Variants in GPR139 observed in about 807,000 individuals in gnomAD.
GPR139 encodes G protein-coupled receptor 139.
A neutral mutation model predicts 25.8 loss-of-function variants in GPR139; 12 were observed. The observed-to-expected ratio is 0.47, with a 90% CI of 0.30 to 0.75. GPR139 has a LOEUF of 0.75. GPR139 is among the 30% of genes least tolerant of loss of function. GPR139 has a pLI of 0.07. For synonymous variants in GPR139, 184 were observed against 179.9 expected, an observed-to-expected ratio of 1.02 and a Z score of -0.18; for missense variants, 380 against 450.2, an observed-to-expected ratio of 0.84 and a Z score of 1.41.
At chr16:20,033,740 C>T (rs2057299953) in intron 1 of GPR139, among the ~76,000 whole-genome samples, 1 of 152,108 alleles carries the variant, frequency 6.6e-6, no homozygotes, top group African/African-American at 2.4e-5. Flanking sequence ...CATTTTCCTT[C>T]TACTCTTATT....
rs186996861 is a variant in GPR139, at chr16:20,028,776, T to A, written c.*2959A>T. 1.2e-3 allele frequency among the ~76,000 whole-genome samples: 188 copies of A among 152,288 alleles called. No individual in the cohort carries two copies. The highest frequency in any genetic ancestry group is 4.3e-3 in the African/African-American group (180 of 41,562). On this transcript the variant is annotated 3_prime_UTR_variant, in exon 2 of 2. Coordinates refer to ENST00000570682, the MANE Select transcript of GPR139 (RefSeq NM_001002911.4). ...GGTGGTGCGTATCATCATTGCAATGTCCAACCAAGGACACAAATCATATAG... is the reference window on the plus strand; with the variant it reads ...GGTGGTGCGTATCATCATTGCAATGACCAACCAAGGACACAAATCATATAG...
Position 20,031,808 on chromosome 16 carries a change from G to A in GPR139, c.989C>T (p.Ala330Val), listed in dbSNP as rs2057289830. 1 of 1,614,108 alleles carries A rather than the reference G, an allele frequency of 6.2e-7. No individual in the cohort carries two copies. Among genetic ancestry groups the A allele is most frequent in the Admixed American group, 1.7e-5 (1 of 60,006 alleles). ...CAGCATCTTGATGCAGTGTGAGTTT[G>A]CCGGCGAGATCCAGGGGCTACTTGT... Reference protein sequence around the residue: ...SITSSPWISPANSHCIKMLVY... With the variant: ...SITSSPWISPVNSHCIKMLVY... Residue 330 changes from alanine to valine, a missense_variant, in exon 2 of 2, where the codon GCA (alanine) becomes GTA (valine). Coordinates refer to ENST00000570682, the MANE Select transcript of GPR139 (RefSeq NM_001002911.4).
At chr16:20,041,237 A>G (rs1333633623) in intron 1 of GPR139, among the ~76,000 whole-genome samples, 2 of 5,542 alleles carry the variant, frequency 3.6e-4, no homozygotes, top group African/African-American at 6.8e-4. Context: ...AGAGGAGAGG[A>G]GAGGAGAGGA....
In GPR139 at chr16:20,031,453, G is replaced by T. The variant is rs1191866724; in HGVS notation, c.*282C>A. On this transcript the variant is annotated 3_prime_UTR_variant, in exon 2 of 2. Coordinates refer to ENST00000570682, the MANE Select transcript of GPR139 (RefSeq NM_001002911.4). ...TACTTCTCTACTTTGTGTCCTAACT[G>T]GTCACAGGATGATGACACAAGCTCC... 6 of 441,322 alleles carry T rather than the reference G, an allele frequency of 1.4e-5. No individual in the cohort carries two copies. Among genetic ancestry groups the T allele is most frequent in the Non-Finnish European group, 2.5e-5 (6 of 242,784 alleles). 27.3% of individuals were successfully genotyped at this position (441,322 alleles called of 1,614,324 possible). A position where few individuals can be genotyped will look rare whatever the true frequency, so the allele number is the denominator to read the frequency against.
intron 1 of GPR139, among the ~76,000 whole-genome samples, chr16:20,061,140 C>G (rs1444802771): frequency 6.6e-6 from 1 of 151,948 alleles, no homozygotes; most frequent in African/African-American, 2.4e-5. Flanking sequence ...CACCACGTAC[C>G]TAGCATGGTG....
intron 1 of GPR139, among the ~76,000 whole-genome samples, chr16:20,057,723 C>T (rs1267636707): frequency 2.6e-5 from 4 of 152,142 alleles, no homozygotes; most frequent in Non-Finnish European, 4.4e-5. Flanking sequence ...TCCATGCCTA[C>T]TGTCAAGAGT....
At position 20,028,938 on chromosome 16, in the gene GPR139, T is replaced by C. The variant is rs1028237616; in HGVS notation, c.*2797A>G. 1.3e-5 allele frequency among the ~76,000 whole-genome samples: 2 copies of C among 152,118 alleles called. No homozygotes were observed. The highest frequency in any genetic ancestry group is 4.8e-5 in the African/African-American group (2 of 41,422). On this transcript the variant is annotated 3_prime_UTR_variant, in exon 2 of 2. Transcript: ENST00000570682. ...CAAGGCTTTATTGTCAAAACTGGCC[T>C]GAAAGAAAAGGCTTACAAGTTTTTA...
At chr16:20,056,257 T>C (rs1487045515) in intron 1 of GPR139, among the ~76,000 whole-genome samples, 1 of 152,250 alleles carries the variant, frequency 6.6e-6, no homozygotes, top group Non-Finnish European at 1.5e-5. Context: ...GCTTTCTTTT[T>C]GCACGTCATA....
chr16:20,034,232 C>G (rs1257759183), intron 1 of GPR139, among the ~76,000 whole-genome samples: 1 of 152,198 alleles, frequency 6.6e-6, no homozygotes, highest in Non-Finnish European at 1.5e-5. Flanking sequence ...CTCAGTCTCT[C>G]TCTGTCTCTC....
chr16:20,041,167 G>A (rs184499550), intron 1 of GPR139, among the ~76,000 whole-genome samples: 62 of 298 alleles, frequency 0.21, 2 homozygotes, highest in South Asian at 0.3. Flanking sequence ...GGAGGGGAGG[G>A]GAGGGGAGGG....
intron 1 of GPR139, among the ~76,000 whole-genome samples, chr16:20,061,568 A>C (rs2057414684): frequency 6.6e-6 from 1 of 152,240 alleles, no homozygotes; most frequent in Non-Finnish European, 1.5e-5. Flanking sequence ...AAATGAAAGC[A>C]CACATTTGAG....
At chr16:20,050,370 A>G (rs2057367822) in intron 1 of GPR139, among the ~76,000 whole-genome samples, 1 of 152,142 alleles carries the variant, frequency 6.6e-6, no homozygotes, top group East Asian at 1.9e-4. Context: ...TCACAGACCG[A>G]CTGCTTGTGG....
intron 1 of GPR139, among the ~76,000 whole-genome samples, chr16:20,069,666 C>T (rs931854649): frequency 2.6e-5 from 4 of 152,158 alleles, no homozygotes; most frequent in Non-Finnish European, 5.9e-5. Context: ...CTTTCCTCAC[C>T]TTGTCTTTCT....
At chr16:20,069,735 T>C (rs894637400) in intron 1 of GPR139, among the ~76,000 whole-genome samples, 3 of 152,168 alleles carry the variant, frequency 2.0e-5, no homozygotes, top group African/African-American at 4.8e-5. Context: ...AATCTCAGTT[T>C]AATTTCACAC....
At chr16:20,053,529 C>T (rs909936733) in intron 1 of GPR139, among the ~76,000 whole-genome samples, 9 of 152,254 alleles carry the variant, frequency 5.9e-5, no homozygotes, top group African/African-American at 1.7e-4. Flanking sequence ...GCTTGGCTGG[C>T]GTGTGGACTG....
intron 1 of GPR139, among the ~76,000 whole-genome samples, chr16:20,048,358 A>T (rs543172001): frequency 4.2e-4 from 64 of 152,198 alleles, no homozygotes; most frequent in Non-Finnish European, 7.5e-4. Flanking sequence ...GTGATGCCCA[A>T]CCATGTACCA....
intron 1 of GPR139, among the ~76,000 whole-genome samples, chr16:20,052,396 A>C (rs1267197272): frequency 6.6e-6 from 1 of 152,284 alleles, no homozygotes; most frequent in Non-Finnish European, 1.5e-5. Flanking sequence ...ATAAGAGAAC[A>C]TGGAAATCAT....
chr16:20,037,422 A>T (rs186949343), intron 1 of GPR139, among the ~76,000 whole-genome samples: 1 of 150,942 alleles, frequency 6.6e-6, no homozygotes, highest in African/African-American at 2.4e-5. Context: ...ACTGCACTCC[A>T]GCCCAGATTA....
intron 1 of GPR139, among the ~76,000 whole-genome samples, chr16:20,043,307 C>T (rs1336810571): frequency 6.6e-6 from 1 of 152,182 alleles, no homozygotes; most frequent in African/African-American, 2.4e-5. Flanking sequence ...CACGAAACCA[C>T]ATCCAAGCCA....
Sources: gnomAD v4.1 joint callset for allele counts (sites outside exome capture counted in the v4.1 genomes callset) on GRCh38, gnomAD v4.1.1 for gene constraint, MANE v1.5 for transcripts, NCBI Gene and HGNC (gene_info 2026-07-23, HGNC 2026-07-21) for gene names.